The following ANO10 variants were observed in gnomAD, a reference collection of about 807,000 sequenced individuals.
ANO10 encodes anoctamin-10.
ANO10 carries 77 observed loss-of-function variants against 74.7 expected under a neutral mutation model. The ratio of observed to expected loss-of-function variants is 1.03; its 90% confidence interval spans 0.86 to 1.25. ANO10 has a LOEUF of 1.25. Among genes scored for constraint, ANO10 ranks in the 50% most tolerant of loss-of-function variants. The pLI, the probability that ANO10 is intolerant of heterozygous loss-of-function variation, is 0.00. For synonymous variants in ANO10, 279 were observed against 284.9 expected, an observed-to-expected ratio of 0.98 and a Z score of 0.21; for missense variants, 721 against 778.1, an observed-to-expected ratio of 0.93 and a Z score of 0.87.
At chr3:43,538,569 C>T (rs960057157) in intron 11 of ANO10, among the ~76,000 whole-genome samples, 51 of 152,092 alleles carry the variant, frequency 3.4e-4, no homozygotes, top group South Asian at 1.0e-3. Context: ...AAAACTGTAA[C>T]GATGGCAGGC....
chr3:43,454,593 A>T (rs898983276), intron 11 of ANO10, among the ~76,000 whole-genome samples: 1 of 151,872 alleles, frequency 6.6e-6, no homozygotes, highest in African/African-American at 2.4e-5. Flanking sequence ...GATACTAAAG[A>T]AGAGTGGTCA....
intron 11 of ANO10, among the ~76,000 whole-genome samples, chr3:43,435,805 C>T (rs955363446): frequency 6.6e-6 from 1 of 152,178 alleles, no homozygotes; most frequent in Admixed American, 6.6e-5. Flanking sequence ...CTTTAATTAG[C>T]TGTTGCTAGC....
chr3:43,678,697 C>A (rs1205115403), intron 1 of ANO10, among the ~76,000 whole-genome samples: 1 of 152,098 alleles, frequency 6.6e-6, no homozygotes, highest in African/African-American at 2.4e-5. Flanking sequence ...TGCCCCTGGC[C>A]GAATAAACCC....
At chr3:43,414,699 T>A (rs2092711867) in intron 12 of ANO10, among the ~76,000 whole-genome samples, 1 of 152,174 alleles carries the variant, frequency 6.6e-6, no homozygotes, top group Non-Finnish European at 1.5e-5. Flanking sequence ...AAGCACGTAA[T>A]TTTCCAAAGA....
In ANO10 at chr3:43,386,648, CGTGTGTGTGT is replaced by C. The variant is rs36065814; in HGVS notation, c.1915-19684_1915-19675del. ...TTTGAAAGTTGTGTGTAGGTGTGTA[CGTGTGTGTGT>C]GTGTGTGTGTGTGTGTGTGTGTGTG... On this transcript the variant is annotated intron_variant, in intron 12 of 12. Transcript: ENST00000292246. Among the ~76,000 whole-genome samples, 251 of 139,994 alleles carry C rather than the reference CGTGTGTGTGT, an allele frequency of 1.8e-3. 2 individuals carry two copies. Among genetic ancestry groups the C allele is most frequent in the African/African-American group, 4.8e-3 (178 of 36,900 alleles). 91.8% of individuals were successfully genotyped at this position (139,994 alleles called of 152,430 possible).
At chr3:43,404,876 CAAA>C (rs3048939) in intron 12 of ANO10, among the ~76,000 whole-genome samples, 165 of 81,388 alleles carry the variant, frequency 2.0e-3, no homozygotes, top group African/African-American at 3.2e-3. Flanking sequence ...GAACCTGTCT[CAAA>C]AAAAAAAAAA....
rs896613336 is a variant in ANO10 at position 43,517,353 on chromosome 3, C to T, written c.1797+32367G>A. Reference sequence around the variant, plus strand: ...GAGGTGAAGGACCAATTTTTAAATTCCCAGTCCATTATGGTCCTACTGTCC... The same window carrying T: ...GAGGTGAAGGACCAATTTTTAAATTTCCAGTCCATTATGGTCCTACTGTCC... On this transcript the variant is annotated intron_variant, in intron 11 of 12. Coordinates refer to ENST00000292246, the MANE Select transcript of ANO10 (RefSeq NM_018075.5). 1.3e-5 allele frequency among the ~76,000 whole-genome samples: 2 copies of T among 152,088 alleles called. 1 individual carries two copies. The highest frequency in any genetic ancestry group is 4.8e-5 in the African/African-American group (2 of 41,420).
intron 1 of ANO10, among the ~76,000 whole-genome samples, chr3:43,685,365 T>C (rs1055222513): frequency 2.6e-5 from 4 of 152,254 alleles, no homozygotes; most frequent in African/African-American, 9.6e-5. Flanking sequence ...TCCATATTAG[T>C]ATATATACAT....
intron 11 of ANO10, among the ~76,000 whole-genome samples, chr3:43,490,213 C>T (rs529007114): frequency 6.6e-6 from 1 of 152,292 alleles, no homozygotes; most frequent in East Asian, 1.9e-4. Context: ...TCTGATAAAT[C>T]CAGTTTCCTT....
intron 11 of ANO10, among the ~76,000 whole-genome samples, chr3:43,451,294 G>A (rs911864431): frequency 1.3e-5 from 2 of 152,156 alleles, no homozygotes; most frequent in East Asian, 3.9e-4. Flanking sequence ...GACCACACTC[G>A]CCTCTGTCTC....
Position 43,577,264 on chromosome 3 carries a change from A to C in ANO10, c.593-3T>G, listed in dbSNP as rs772401328. 1 of 1,613,346 alleles carries C rather than the reference A, an allele frequency of 6.2e-7. No homozygotes were observed. The highest frequency in any genetic ancestry group is 8.5e-7 in the Non-Finnish European group (1 of 1,179,490). On this transcript the variant is annotated splice_region_variant and splice_polypyrimidine_tract_variant and intron_variant, in intron 5 of 12. Transcript: ENST00000292246. ...CCCAAAGTAGCCACGAATACTGTCTATAGTGGAAACAAAGAAAGAACATAA... is the reference window on the plus strand; with the variant it reads ...CCCAAAGTAGCCACGAATACTGTCTCTAGTGGAAACAAAGAAAGAACATAA...
At position 43,366,888 on chromosome 3, in the gene ANO10, G is replaced by T; in HGVS notation, c.*18C>A. ...GACACAGGCCTCTGCCAACAGGGCAGCTGGGCACGCTGGGCACTCAGGTTG... is the reference window on the plus strand; with the variant it reads ...GACACAGGCCTCTGCCAACAGGGCATCTGGGCACGCTGGGCACTCAGGTTG... On this transcript the variant is annotated 3_prime_UTR_variant, in exon 13 of 13. Transcript: ENST00000292246. The T allele has an allele frequency of 6.4e-7, 1 of 1,570,974 alleles. No homozygotes were observed. Among genetic ancestry groups the T allele is most frequent in the Non-Finnish European group, 8.6e-7 (1 of 1,158,640 alleles).
At chr3:43,636,021 A>C (rs900871302) in intron 1 of ANO10, among the ~76,000 whole-genome samples, 1 of 151,884 alleles carries the variant, frequency 6.6e-6, no homozygotes, top group Non-Finnish European at 1.5e-5. Flanking sequence ...AGTAAAAAAA[A>C]CAAAAAAAAA....
chr3:43,459,186 C>A (rs1175140077), intron 11 of ANO10, among the ~76,000 whole-genome samples: 1 of 151,942 alleles, frequency 6.6e-6, no homozygotes, highest in Admixed American at 6.5e-5. Context: ...TTCTGTCCAA[C>A]CACCACCACC....
At chr3:43,663,285 CA>C (rs568302661) in intron 1 of ANO10, among the ~76,000 whole-genome samples, 12 of 152,248 alleles carry the variant, frequency 7.9e-5, no homozygotes, top group African/African-American at 2.9e-4. Flanking sequence ...GAACCAACAA[CA>C]AAAACCACGA....
chr3:43,548,326 ACT>A (rs1275959295), intron 11 of ANO10, among the ~76,000 whole-genome samples: 10 of 152,164 alleles, frequency 6.6e-5, no homozygotes, highest in African/African-American at 2.4e-4. Flanking sequence ...GTCAAAGGTA[ACT>A]CTGTCTTGTT....
At chr3:43,627,411 C>T (rs2083502727) in intron 1 of ANO10, among the ~76,000 whole-genome samples, 1 of 152,268 alleles carries the variant, frequency 6.6e-6, no homozygotes, top group African/African-American at 2.4e-5. Flanking sequence ...CAGGCTAGGC[C>T]TGGCACCAAG....
intron 1 of ANO10, among the ~76,000 whole-genome samples, chr3:43,682,472 T>C (rs1375754583): frequency 2.6e-5 from 4 of 152,160 alleles, no homozygotes; most frequent in African/African-American, 9.7e-5. Context: ...CAGGACCAGA[T>C]GGATTCACAG....
intron 11 of ANO10, among the ~76,000 whole-genome samples, chr3:43,498,403 C>A (rs919011821): frequency 9.9e-5 from 15 of 152,208 alleles, no homozygotes; most frequent in African/African-American, 3.1e-4. Context: ...TGTAGTAGGG[C>A]AGATGTGACC....
Sources: allele counts gnomAD v4.1 joint callset (sites outside exome capture counted in the v4.1 genomes callset), GRCh38; gene constraint gnomAD v4.1.1; transcripts MANE v1.5; gene names NCBI Gene and HGNC (gene_info 2026-07-23, HGNC 2026-07-21).